SORD: variants seen among roughly 807,000 people sequenced by gnomAD.
SORD encodes the protein (R,R)-butanediol dehydrogenase.
SORD carries 18 observed loss-of-function variants against 35.6 expected under a neutral mutation model. The observed-to-expected ratio is 0.51, with a 90% confidence interval of 0.35 to 0.75. The LOEUF is 0.75. Among genes scored for constraint, SORD ranks in the 30% least tolerant of loss-of-function variants. The pLI, the probability that SORD is intolerant of heterozygous loss-of-function variation, is 0.01. For missense variants in SORD, 250 were observed against 390.2 expected (o/e 0.64, Z 3.03); for synonymous variants, 106 against 152.9 (o/e 0.69, Z 2.26).
intron 7 of SORD, among the ~76,000 whole-genome samples, chr15:45,069,660 G>A (rs1395592481): frequency 6.6e-6 from 1 of 152,172 alleles, no homozygotes; most frequent in Admixed American, 6.5e-5. Flanking sequence ...TTTGTTAAAA[G>A]TGCAGTAGTT....
intron 1 of SORD, among the ~76,000 whole-genome samples, chr15:45,031,498 G>A (rs2141264138): frequency 6.6e-6 from 1 of 152,370 alleles, no homozygotes; most frequent in African/African-American, 2.4e-5. Flanking sequence ...AGGCCTCAGA[G>A]TTCTCACGGG....
At chr15:45,059,663 A>T (rs35386632) in intron 3 of SORD, among the ~76,000 whole-genome samples, 9,427 of 152,166 alleles carry the variant, frequency 0.062, 381 homozygotes, top group South Asian at 0.1. Flanking sequence ...TCAGCTAATT[A>T]AAAAAATTTT....
chr15:45,037,694 C>T (rs1348939496), intron 1 of SORD, among the ~76,000 whole-genome samples: 1 of 151,976 alleles, frequency 6.6e-6, no homozygotes, highest in Non-Finnish European at 1.5e-5. Flanking sequence ...AGCAAACTAA[C>T]ACAGGAACAG....
intron 1 of SORD, among the ~76,000 whole-genome samples, chr15:45,036,552 C>T (rs557338160): frequency 1.3e-5 from 2 of 152,060 alleles, no homozygotes; most frequent in African/African-American, 4.8e-5. Flanking sequence ...AAATTAGCCA[C>T]GCAGCGTGGC....
At position 45,045,042 on chromosome 15, in the gene SORD, A is replaced by G. The variant is rs562559781; in HGVS notation, c.265+1621A>G. 6.6e-5 allele frequency among the ~76,000 whole-genome samples: 10 copies of G among 152,232 alleles called. No individual in the cohort carries two copies. The South Asian group carries it at 1.9e-3, about 28-fold the overall frequency. On this transcript the variant is annotated intron_variant, in intron 3 of 8. Transcript: ENST00000267814. ...ACAATTCTATGAGATAGGCATTATT[A>G]TCTTCATTAATTGAAGAAGAAATTG...
At chr15:45,054,366 G>T (rs1893178372) in intron 3 of SORD, among the ~76,000 whole-genome samples, 1 of 151,974 alleles carries the variant, frequency 6.6e-6, no homozygotes. Context: ...ATCTCATTGT[G>T]GTTTTGATTT....
intron 1 of SORD, among the ~76,000 whole-genome samples, chr15:45,023,640 C>T (rs11634010): frequency 0.016 from 2,397 of 152,362 alleles, 20 homozygotes; most frequent in Middle Eastern, 0.031. Flanking sequence ...TCTCCTTTGC[C>T]AGCTGCAGAT....
intron 7 of SORD, among the ~76,000 whole-genome samples, chr15:45,069,563 A>C (rs1893475997): frequency 6.6e-6 from 1 of 151,998 alleles, no homozygotes; most frequent in Non-Finnish European, 1.5e-5. Flanking sequence ...GGGCCATCTG[A>C]GGTTCACACA....
intron 3 of SORD, among the ~76,000 whole-genome samples, chr15:45,057,756 C>T (rs1217914525): frequency 6.6e-6 from 1 of 152,072 alleles, no homozygotes; most frequent in African/African-American, 2.4e-5. Context: ...GCACTCCAGC[C>T]TGGGCAACAG....
intron 3 of SORD, among the ~76,000 whole-genome samples, chr15:45,044,708 T>C (rs552600349): frequency 2.9e-3 from 430 of 145,796 alleles, no homozygotes; most frequent in African/African-American, 0.011. Flanking sequence ...TTTTCTTTTT[T>C]TTTTTTTTTT....
Position 45,042,519 on chromosome 15 carries a change from T to G in SORD, c.101-738T>G, listed in dbSNP as rs143710391. The G allele has an allele frequency of 1.0e-3, 155 of 149,802 alleles. 1 individual carries two copies. Among genetic ancestry groups the G allele is most frequent in the African/African-American group, 3.8e-3 (149 of 39,692 alleles). The allele number at this position is 149,802 out of a possible 1,614,324, so 9.3% of individuals were successfully genotyped here. A position where few individuals can be genotyped will look rare whatever the true frequency, so the allele number is the denominator to read the frequency against. On this transcript the variant is annotated intron_variant, in intron 2 of 8. Coordinates refer to ENST00000267814, the MANE Select transcript of SORD (RefSeq NM_003104.6). ...AATAAAAAATAAATAAATAAATAAATAAATAAATAAAGGAAAGAAAACAAT... is the reference window on the plus strand; with the variant it reads ...AATAAAAAATAAATAAATAAATAAAGAAATAAATAAAGGAAAGAAAACAAT...
intron 3 of SORD, among the ~76,000 whole-genome samples, chr15:45,046,520 T>C: frequency 6.6e-6 from 1 of 152,172 alleles, no homozygotes; most frequent in Non-Finnish European, 1.5e-5. Flanking sequence ...TGGGTTTACA[T>C]AGGCATAAAC....
intron 1 of SORD, among the ~76,000 whole-genome samples, chr15:45,028,687 C>T (rs1892719986): frequency 6.8e-6 from 1 of 148,074 alleles, no homozygotes; most frequent in Non-Finnish European, 1.5e-5. Flanking sequence ...TTAAACATTA[C>T]TCGGAGGTCC....
intron 6 of SORD, among the ~76,000 whole-genome samples, chr15:45,068,463 GTC>G (rs57606466): frequency 0.032 from 3,858 of 120,074 alleles, 135 homozygotes; most frequent in African/African-American, 0.086. Flanking sequence ...GTGTGTGTGT[GTC>G]TGTGTGTAGC....
intron 3 of SORD, among the ~76,000 whole-genome samples, chr15:45,044,168 A>G (rs1372883143): frequency 6.6e-6 from 1 of 152,246 alleles, no homozygotes; most frequent in African/African-American, 2.4e-5. Flanking sequence ...ATTCATCATT[A>G]GTGGAAGTCA....
In SORD at chr15:45,023,285, T is replaced by TGGC. The variant is rs1326364712; in HGVS notation, c.12_14dup (p.Ala5dup). 1 of 1,583,444 alleles carries TGGC rather than the reference T, an allele frequency of 6.3e-7. No individual in the cohort carries two copies. The highest frequency in any genetic ancestry group is 1.4e-5 in the African/African-American group (1 of 73,670). ...GCACTCCAGAGCCAAAAGAGCTCCA[T>TGGC]GGCGGCGGCGGCCAAGCCCAACAAC... On this transcript the variant is annotated inframe_insertion, in exon 1 of 9. Transcript: ENST00000267814.
chr15:45,050,045 G>C (rs1376641484), intron 3 of SORD, among the ~76,000 whole-genome samples: 2 of 152,160 alleles, frequency 1.3e-5, no homozygotes, highest in Non-Finnish European at 2.9e-5. Context: ...TTTAAAATTG[G>C]CTTTGATGAA....
intron 1 of SORD, among the ~76,000 whole-genome samples, chr15:45,032,803 C>A (rs1420255936): frequency 6.6e-6 from 1 of 152,092 alleles, no homozygotes; most frequent in Non-Finnish European, 1.5e-5. Context: ...CCTCTCATGA[C>A]AAAATAGCCA....
At chr15:45,063,852 A>G (rs1261681394) in intron 4 of SORD, among the ~76,000 whole-genome samples, 1 of 151,216 alleles carries the variant, frequency 6.6e-6, no homozygotes, top group Non-Finnish European at 1.5e-5. Flanking sequence ...TAGGGGGAGT[A>G]GAAGGAGTGT....
Sources: allele counts gnomAD v4.1 joint callset (sites outside exome capture counted in the v4.1 genomes callset), GRCh38; gene constraint gnomAD v4.1.1; transcripts MANE v1.5; gene names NCBI Gene and HGNC (gene_info 2026-07-23, HGNC 2026-07-21).